The following LNX2 variants were observed in gnomAD, a reference collection of about 807,000 sequenced individuals.
LNX2 encodes ligand of numb-protein X 2.
In LNX2, 35 loss-of-function variants were observed where a neutral mutation model predicts 66.2. That is an observed-to-expected ratio of 0.53 (90% CI 0.40 to 0.70). LNX2 has a LOEUF of 0.70. LNX2 is among the 30% of genes least tolerant of loss of function. The pLI, the probability that LNX2 is intolerant of heterozygous loss-of-function variation, is 0.00. For missense variants in LNX2, 791 were observed against 850.8 expected (o/e 0.93, Z 0.87); for synonymous variants, 337 against 315.6 (o/e 1.07, Z -0.72).
Position 27,566,482 on chromosome 13 carries a change from G to C in LNX2, c.855+1158C>G, listed in dbSNP as rs1955207174. On this transcript the variant is annotated intron_variant, in intron 4 of 9. Transcript: ENST00000316334. The stretch of plus-strand genomic sequence containing the variant: ...ATGAAGAATTGAGATTAACAAGACA[G>C]GTTGTAGAAGAGACCGTGGAGGACC... Among the ~76,000 whole-genome samples the C allele has an allele frequency of 2.6e-5, 4 of 152,288 alleles. No individual in the cohort carries two copies. In the South Asian group the frequency reaches 8.3e-4, roughly 32 times the overall value.
chr13:27,567,671 C>A lies in LNX2; in HGVS notation c.824G>T (p.Gly275Val). 1.2e-6 allele frequency: 2 copies of A among 1,613,962 alleles called. No homozygotes were observed. Among genetic ancestry groups the A allele is most frequent in the Non-Finnish European group, 8.5e-7 (1 of 1,179,940 alleles). ...AATCTGGTCTCCAGCAAGAAGTCTC[C>A]CGTCTCTGGCAATGACCCCATCCCG... ...VYRDGVIARDGRLLAGDQILQ... is the reference protein window; with the variant it reads ...VYRDGVIARDVRLLAGDQILQ... Residue 275 changes from glycine (G) to valine (V), a missense_variant, in exon 4 of 10, where the codon GGG (glycine) becomes GTG (valine). Coordinates refer to ENST00000316334, the MANE Select transcript of LNX2 (RefSeq NM_153371.4).
intron 5 of LNX2, 116 bp from the exon 6 acceptor site, chr13:27,560,101 G>C: frequency 1.2e-6 from 1 of 810,016 alleles, no homozygotes; most frequent in South Asian, 3.4e-5. Context: ...GCGTCATCTG[G>C]ACAGTGACTG....
chr13:27,562,508 G>A lies in LNX2; in HGVS notation c.1129C>T (p.Gln377Ter). Residue 377 changes from glutamine to a stop codon, truncating the protein, a stop_gained, in exon 5 of 10, where the codon CAG (glutamine) becomes TAG (stop). Transcript: ENST00000316334. LOFTEE classifies it high-confidence loss of function. ...LDLLEGGLAA[Q>*]DGRLSSNDRV... is the part of the protein sequence containing the mutation. ...TCATTGCTGCTTAGCCTGCCGTCCT[G>A]GGCAGCCAACCCCCCTTCCAACAGG... 2 of 1,614,144 alleles carry A rather than the reference G, an allele frequency of 1.2e-6. No individual in the cohort carries two copies. Among genetic ancestry groups the A allele is most frequent in the Non-Finnish European group, 1.7e-6 (2 of 1,180,024 alleles).
At chr13:27,600,374 T>A (rs1192442821) in intron 1 of LNX2, among the ~76,000 whole-genome samples, 1 of 152,098 alleles carries the variant, frequency 6.6e-6, no homozygotes, top group Non-Finnish European at 1.5e-5. Context: ...GATATTCCAA[T>A]GGGGACGAAA....
chr13:27,583,228 G>GTCCTCTCCAATATAACTT (rs1237951910), intron 1 of LNX2, among the ~76,000 whole-genome samples: 350 of 27,500 alleles, frequency 0.013, 12 homozygotes, highest in African/African-American at 0.025. Flanking sequence ...GTGTGTGTGT[G>GTCCTCTCCAATATAACTT]TGTGTGTGTG....
intron 6 of LNX2, 130 bp downstream of exon 6, chr13:27,559,712 T>G: frequency 1.2e-6 from 1 of 862,438 alleles, no homozygotes; most frequent in Non-Finnish European, 1.7e-6. Context: ...CAACCCTCAT[T>G]TGAATCTTTT....
At chr13:27,585,253 G>A (rs796649112) in intron 1 of LNX2, among the ~76,000 whole-genome samples, 22 of 151,740 alleles carry the variant, frequency 1.4e-4, no homozygotes, top group Middle Eastern at 3.4e-3. Flanking sequence ...GTGAAACCCC[G>A]TCTCTACTAT....
At chr13:27,560,029 T>G in intron 5 of LNX2, 44 bp from the exon 6 acceptor site, 1 of 1,493,146 alleles carries the variant, frequency 6.7e-7, no homozygotes. Context: ...CTAATGATGT[T>G]TGTCATTTTA....
intron 1 of LNX2, among the ~76,000 whole-genome samples, chr13:27,604,533 T>C (rs1955693834): frequency 6.6e-6 from 1 of 152,176 alleles, no homozygotes; most frequent in Admixed American, 6.5e-5. Context: ...GCCCAACAAC[T>C]AGAAATGGGA....
At position 27,569,164 on chromosome 13, in the gene LNX2, A is replaced by G. The variant is rs1257227297; in HGVS notation, c.520T>C (p.Leu174=). Reference sequence around the variant, plus strand: ...CCCAAACAGTCTGCTTCTGGAGATAAGGTACCTGCAGGATCTAGTAGAGTG... The same window carrying G: ...CCCAAACAGTCTGCTTCTGGAGATAGGGTACCTGCAGGATCTAGTAGAGTG... ...GPTLLDPAGT[L]SPEADCLGTG... Residue 174 remains leucine, a synonymous_variant, in exon 3 of 10, where the codon TTA becomes CTA. Coordinates refer to ENST00000316334, the MANE Select transcript of LNX2 (RefSeq NM_153371.4). 1 of 1,612,244 alleles carries G rather than the reference A, an allele frequency of 6.2e-7. No homozygotes were observed. Among genetic ancestry groups the G allele is most frequent in the Admixed American group, 1.7e-5 (1 of 59,600 alleles).
At chr13:27,603,956 T>TAAAA (rs35389487) in intron 1 of LNX2, among the ~76,000 whole-genome samples, 1 of 133,506 alleles carries the variant, frequency 7.5e-6, no homozygotes. Flanking sequence ...TTCCTTCCCT[T>TAAAA]AAAAAAAAAA....
intron 3 of LNX2, 73 bp from the exon 4 acceptor site, chr13:27,567,912 A>G: frequency 1.6e-6 from 2 of 1,229,524 alleles, no homozygotes; most frequent in East Asian, 4.8e-5. Context: ...TTATATTCTG[A>G]TTATCTTCAG....
intron 6 of LNX2, 70 bp downstream of exon 6, chr13:27,559,772 T>G: frequency 7.2e-7 from 1 of 1,395,514 alleles, no homozygotes; most frequent in Non-Finnish European, 9.5e-7. Flanking sequence ...AAAAAAACCT[T>G]CATTTAAATC....
intron 2 of LNX2, among the ~76,000 whole-genome samples, chr13:27,578,091 T>A (rs1955359569): frequency 6.6e-6 from 1 of 152,216 alleles, no homozygotes; most frequent in Admixed American, 6.5e-5. Context: ...AAATATTTTA[T>A]CTGTAGGAGA....
chr13:27,581,386 G>C lies in LNX2; in HGVS notation c.318C>G (p.Leu106=), dbSNP rs765522782. The C allele has an allele frequency of 3.1e-5, 50 of 1,595,822 alleles. No individual in the cohort carries two copies. Among genetic ancestry groups the C allele is most frequent in the Non-Finnish European group, 3.8e-5 (44 of 1,167,488 alleles). ...CKKSSILVHK[L]LDKLLVLCPF... is the part of the protein sequence containing the mutation. ...GACATAAAACTAATAATTTGTCTAG[G>C]AGTTTATGAACTAGAATACTAGACT... Residue 106 remains leucine, a synonymous_variant, in exon 2 of 10, where the codon CTC becomes CTG. Coordinates refer to ENST00000316334, the MANE Select transcript of LNX2 (RefSeq NM_153371.4).
intron 8 of LNX2, among the ~76,000 whole-genome samples, chr13:27,551,505 GA>G (rs200917392): frequency 1.3e-5 from 2 of 149,588 alleles, no homozygotes; most frequent in African/African-American, 2.4e-5. Flanking sequence ...AAATGATAAG[GA>G]AAAAAAAACT....
intron 2 of LNX2, among the ~76,000 whole-genome samples, chr13:27,571,278 G>T (rs1663807723): frequency 6.6e-6 from 1 of 152,156 alleles, no homozygotes; most frequent in South Asian, 2.1e-4. Flanking sequence ...AGTGCAAATG[G>T]CCACAGAAAG....
chr13:27,550,576 A>G, intron 8 of LNX2, 85 bp from the exon 9 acceptor site: 1 of 959,712 alleles, frequency 1.0e-6, no homozygotes, highest in South Asian at 1.7e-5. Context: ...ATACCATGTT[A>G]TATTTACCAC....
chr13:27,570,290 T>C (rs1566120262), intron 2 of LNX2, among the ~76,000 whole-genome samples: 1 of 152,222 alleles, frequency 6.6e-6, no homozygotes, highest in Non-Finnish European at 1.5e-5. Flanking sequence ...ACAGACCTTA[T>C]GCCTAGGGTT....
Sources: allele counts gnomAD v4.1 joint callset (sites outside exome capture counted in the v4.1 genomes callset), GRCh38; gene constraint gnomAD v4.1.1; transcripts MANE v1.5; gene names NCBI Gene and HGNC (gene_info 2026-07-23, HGNC 2026-07-21).